Variants in OGDH observed in about 807,000 individuals in gnomAD.
The protein encoded by OGDH is 2-oxoglutarate dehydrogenase complex component E1.
OGDH carries 38 observed loss-of-function variants against 116.6 expected under a neutral mutation model. That is an observed-to-expected ratio of 0.33 (90% CI 0.25 to 0.43). The LOEUF (loss-of-function observed/expected upper bound fraction) is 0.43, where lower values mean the gene tolerates loss of function less well. Among genes scored for constraint, OGDH ranks in the 20% least tolerant of loss-of-function variants. The probability of loss-of-function intolerance (pLI) is 1.00; values close to 1 mark genes in which losing one functional copy is unlikely to be tolerated. For missense variants in OGDH, 825 were observed against 1,357.2 expected, an observed-to-expected ratio of 0.61 and a Z score of 6.16; for synonymous variants, 488 against 533.3, an observed-to-expected ratio of 0.92 and a Z score of 1.17.
At chr7:44,612,432 G>A (rs1784601045) in intron 1 of OGDH, among the ~76,000 whole-genome samples, 2 of 152,022 alleles carry the variant, frequency 1.3e-5, no homozygotes, top group African/African-American at 4.8e-5. Flanking sequence ...GCCCAGGCTG[G>A]AGTGCAATGG....
At chr7:44,621,208 G>A (rs963154584) in intron 1 of OGDH, among the ~76,000 whole-genome samples, 6 of 152,072 alleles carry the variant, frequency 3.9e-5, no homozygotes, top group Admixed American at 3.9e-4. Context: ...GGGGTAGCTG[G>A]TACTACAGAC....
chr7:44,612,920 G>A (rs146783930), intron 1 of OGDH, among the ~76,000 whole-genome samples: 1,589 of 146,322 alleles, frequency 0.011, 25 homozygotes, highest in African/African-American at 0.038. Flanking sequence ...TCACTCTGTC[G>A]CCCAGGCTGG....
chr7:44,670,475 A>G (rs1315040342), intron 5 of OGDH, among the ~76,000 whole-genome samples: 1 of 152,146 alleles, frequency 6.6e-6, no homozygotes, highest in South Asian at 2.1e-4. Flanking sequence ...GAAGGTTCTC[A>G]TTAACAGCCA....
At chr7:44,703,736 C>A (rs889868666) in intron 20 of OGDH, among the ~76,000 whole-genome samples, 2 of 151,092 alleles carry the variant, frequency 1.3e-5, no homozygotes, top group Admixed American at 6.6e-5. Context: ...AATAAATAAA[C>A]TAGCCGGGGG....
intron 1 of OGDH, among the ~76,000 whole-genome samples, chr7:44,619,822 A>T (rs1040120387): frequency 6.6e-6 from 1 of 151,904 alleles, no homozygotes; most frequent in Non-Finnish European, 1.5e-5. Context: ...TTATGTGTTT[A>T]TTGGCTGTTA....
intron 4 of OGDH, among the ~76,000 whole-genome samples, chr7:44,661,205 C>T (rs951569931): frequency 5.9e-5 from 9 of 152,070 alleles, no homozygotes; most frequent in Admixed American, 5.9e-4. Flanking sequence ...ATGGAATGTC[C>T]CTCTTTGTCT....
In OGDH at chr7:44,607,243, G is replaced by C. The variant is rs536800872; in HGVS notation, c.-28+590G>C. ...GGCGCCGCCCCCACACCTGCTGCCA[G>C]AAGTTGGGTCGAACAGATTGACCGA... On this transcript the variant is annotated intron_variant, in intron 1 of 22. Coordinates refer to ENST00000222673, the MANE Select transcript of OGDH (RefSeq NM_002541.4). Among the ~76,000 whole-genome samples the C allele has an allele frequency of 2.0e-5, 3 of 152,374 alleles. No homozygotes were observed. In the South Asian group the frequency reaches 6.2e-4, roughly 32 times the overall value.
At chr7:44,663,078 GA>G (rs772189839) in intron 4 of OGDH, among the ~76,000 whole-genome samples, 1 of 151,986 alleles carries the variant, frequency 6.6e-6, no homozygotes, top group Non-Finnish European at 1.5e-5. Context: ...TGAAATCTTT[GA>G]TTATACTGTC....
intron 20 of OGDH, among the ~76,000 whole-genome samples, chr7:44,702,624 G>A (rs915185112): frequency 1.3e-5 from 2 of 151,376 alleles, no homozygotes; most frequent in Non-Finnish European, 2.9e-5. Context: ...ACGGAGTCTC[G>A]CTCTATCGCT....
At chr7:44,607,885 A>T (rs1784414727) in intron 1 of OGDH, among the ~76,000 whole-genome samples, 1 of 152,124 alleles carries the variant, frequency 6.6e-6, no homozygotes, top group Non-Finnish European at 1.5e-5. Context: ...TATTTTTAGT[A>T]GAGACGGGTT....
At chr7:44,649,426 T>C (rs1251918503) in intron 4 of OGDH, among the ~76,000 whole-genome samples, 4 of 151,904 alleles carry the variant, frequency 2.6e-5, no homozygotes, top group Non-Finnish European at 4.4e-5. Context: ...ATTTTTGTAT[T>C]TTTAGTAGAA....
At chr7:44,662,486 A>C (rs1260007111) in intron 4 of OGDH, among the ~76,000 whole-genome samples, 1 of 142,138 alleles carries the variant, frequency 7.0e-6, no homozygotes, top group African/African-American at 2.7e-5. Context: ...TTTTTGAGAC[A>C]GAGTCTCACT....
intron 10 of OGDH, among the ~76,000 whole-genome samples, chr7:44,683,200 C>T (rs940589598): frequency 2.0e-5 from 3 of 152,016 alleles, no homozygotes; most frequent in Admixed American, 2.0e-4. Flanking sequence ...GATTTTAATA[C>T]ATTATTTTTA....
At chr7:44,699,501 G>A (rs549778026) in intron 18 of OGDH, among the ~76,000 whole-genome samples, 1 of 150,728 alleles carries the variant, frequency 6.6e-6, no homozygotes, top group Non-Finnish European at 1.5e-5. Flanking sequence ...GTTTTAGGTA[G>A]AACTTGTGTC....
At position 44,694,561 on chromosome 7, in the gene OGDH, C is replaced by G; in HGVS notation, c.1653C>G (p.Asn551Lys). Residue 551 changes from asparagine to lysine, a missense_variant, in exon 12 of 23, where the codon AAC becomes AAG. Coordinates refer to ENST00000222673, the MANE Select transcript of OGDH (RefSeq NM_002541.4). The surrounding 1 kb of genome is among the most constrained non-coding windows in gnomAD (Gnocchi z 4.2). ...TGCTGGTGTCGCAGGGTGTGGTCAA[C>G]CAGCCTGAGTATGAGGTACGTCCCT... is the stretch of plus-strand genomic sequence containing the variant. ...AELLVSQGVV[N>K]QPEYEEEISK... is the part of the protein sequence containing the mutation. 1 of 1,614,080 alleles carries G rather than the reference C, an allele frequency of 6.2e-7. No homozygotes were observed. Among genetic ancestry groups the G allele is most frequent in the South Asian group, 1.1e-5 (1 of 91,070 alleles).
chr7:44,622,796 T>C (rs879383427), intron 1 of OGDH: 2 of 152,194 alleles, frequency 1.3e-5, no homozygotes, highest in Non-Finnish European at 1.5e-5. Context: ...AAGCACCTTT[T>C]TTTCCACAGG....
chr7:44,696,503 C>T lies in OGDH; in HGVS notation c.1846C>T (p.His616Tyr). ...STGLTEDILT[H>Y]IGNVASSVPV... is the part of the protein sequence containing the mutation. Reference sequence around the variant, plus strand: ...GGGTCTGACGGAGGATATTCTGACACACATCGGGAATGTGGCTAGTTCTGT... The same window carrying T: ...GGGTCTGACGGAGGATATTCTGACATACATCGGGAATGTGGCTAGTTCTGT... Residue 616 changes from histidine (H) to tyrosine (Y), a missense_variant, in exon 14 of 23, where the codon CAC becomes TAC. Physicochemically the swap from His to Tyr is moderately conservative, Grantham distance 83. Coordinates refer to ENST00000222673, the MANE Select transcript of OGDH (RefSeq NM_002541.4). The T allele has an allele frequency of 1.2e-6, 2 of 1,614,228 alleles. No homozygotes were observed. The highest frequency in any genetic ancestry group is 1.3e-5 in the African/African-American group (1 of 75,062).
chr7:44,673,058 A>G (rs772003407), intron 5 of OGDH, among the ~76,000 whole-genome samples: 24 of 152,088 alleles, frequency 1.6e-4, no homozygotes, highest in Admixed American at 4.6e-4. Flanking sequence ...CCAGCTGTGC[A>G]GTGTGAACGT....
rs1343767250 is a variant in OGDH, at chr7:44,664,261, G to GT, written c.518-2473dup. ...TCCTTCTCCCACTCAAGTATCCACCGTTACTGGGATTAGGGGAAGGGGCTG... is the reference window on the plus strand; with the variant it reads ...TCCTTCTCCCACTCAAGTATCCACCGTTTACTGGGATTAGGGGAAGGGGCTG... On this transcript the variant is annotated intron_variant, in intron 4 of 22. Transcript: ENST00000222673. Among the ~76,000 whole-genome samples the GT allele has an allele frequency of 2.0e-5, 3 of 152,206 alleles. No individual in the cohort carries two copies. In the East Asian group the frequency reaches 5.8e-4, roughly 29 times the overall value.
Sources: gnomAD v4.1 joint callset for allele counts (sites outside exome capture counted in the v4.1 genomes callset) on GRCh38, gnomAD v4.1.1 for gene constraint, Gnocchi (gnomAD v3.1) non-coding constraint, MANE v1.5 for transcripts, NCBI Gene and HGNC (gene_info 2026-07-23, HGNC 2026-07-21) for gene names.